TXNDC16: variants seen among roughly 807,000 people sequenced by gnomAD.
TXNDC16 encodes thioredoxin domain-containing protein 16.
In TXNDC16, 74 loss-of-function variants were observed where a neutral mutation model predicts 85.6. The ratio of observed to expected loss-of-function variants is 0.86; its 90% CI spans 0.72 to 1.05. The LOEUF (loss-of-function observed/expected upper bound fraction) is 1.05. Ranked by LOEUF, TXNDC16 falls within the 50% of genes least tolerant of loss-of-function variation. TXNDC16 has a pLI of 0.00. For missense variants in TXNDC16, 959 were observed against 947.0 expected (o/e 1.01, Z -0.17); for synonymous variants, 335 against 326.5 (o/e 1.03, Z -0.28).
At chr14:52,468,922 T>C (rs966133565) in intron 16 of TXNDC16, among the ~76,000 whole-genome samples, 1 of 151,942 alleles carries the variant, frequency 6.6e-6, no homozygotes, top group Non-Finnish European at 1.5e-5. Flanking sequence ...AACCTACAAT[T>C]TATAGAAGAC....
intron 19 of TXNDC16, among the ~76,000 whole-genome samples, chr14:52,440,184 T>C (rs968978845): frequency 2.0e-5 from 3 of 152,200 alleles, no homozygotes; most frequent in African/African-American, 7.2e-5. Context: ...GAAAACATAC[T>C]AGGAAATATT....
At chr14:52,484,937 T>C (rs1299955893) in intron 12 of TXNDC16, among the ~76,000 whole-genome samples, 1 of 152,208 alleles carries the variant, frequency 6.6e-6, no homozygotes, top group Non-Finnish European at 1.5e-5. Context: ...TAATACTTGA[T>C]AATGATAATA....
At chr14:52,502,657 A>G (rs551241009) in intron 9 of TXNDC16, among the ~76,000 whole-genome samples, 3 of 152,312 alleles carry the variant, frequency 2.0e-5, no homozygotes, top group African/African-American at 7.2e-5. Flanking sequence ...GCGAGGCAGA[A>G]GATGAATGAT....
At chr14:52,493,216 T>TATATATATACACAC in intron 9 of TXNDC16, among the ~76,000 whole-genome samples, 3 of 115,942 alleles carry the variant, frequency 2.6e-5, no homozygotes, top group African/African-American at 1.1e-4. Flanking sequence ...TATATATATA[T>TATATATATACACAC]ACACACACAC....
At chr14:52,518,259 C>T (rs1188041206) in intron 7 of TXNDC16, among the ~76,000 whole-genome samples, 2 of 152,206 alleles carry the variant, frequency 1.3e-5, no homozygotes, top group African/African-American at 4.8e-5. Context: ...AAATTTACTT[C>T]CCTAGTCCAT....
chr14:52,479,946 T>C (rs751623880), intron 14 of TXNDC16, among the ~76,000 whole-genome samples: 2 of 152,160 alleles, frequency 1.3e-5, no homozygotes, highest in Non-Finnish European at 2.9e-5. Context: ...CAAAACAGTG[T>C]GGTACTGGCA....
intron 18 of TXNDC16, among the ~76,000 whole-genome samples, chr14:52,450,561 A>G (rs1168685888): frequency 3.3e-5 from 5 of 151,982 alleles, no homozygotes; most frequent in African/African-American, 1.2e-4. Flanking sequence ...CAAAACCGCA[A>G]TGCAATTCCA....
intron 16 of TXNDC16, among the ~76,000 whole-genome samples, chr14:52,467,577 T>TA (rs1478768949): frequency 3.3e-5 from 5 of 152,022 alleles, no homozygotes; most frequent in Non-Finnish European, 5.9e-5. Context: ...ATGGCTATCA[T>TA]AAAAAATAAA....
intron 6 of TXNDC16, among the ~76,000 whole-genome samples, chr14:52,533,042 A>AT (rs1387423048): frequency 1.3e-5 from 2 of 151,854 alleles, no homozygotes; most frequent in African/African-American, 2.4e-5. Context: ...CTTGATATTT[A>AT]TTTTTTTTCT....
chr14:52,505,622 T>C (rs1169370672), intron 9 of TXNDC16, among the ~76,000 whole-genome samples: 1 of 152,140 alleles, frequency 6.6e-6, no homozygotes, highest in Non-Finnish European at 1.5e-5. Flanking sequence ...AGCAAAGATC[T>C]AAAATTGACA....
intron 14 of TXNDC16, among the ~76,000 whole-genome samples, chr14:52,478,572 T>C (rs1202796061): frequency 1.3e-5 from 2 of 152,032 alleles, no homozygotes; most frequent in African/African-American, 2.4e-5. Flanking sequence ...CTAGAGGAGA[T>C]GGATAAATTC....
intron 20 of TXNDC16, among the ~76,000 whole-genome samples, chr14:52,433,701 T>C (rs1018140722): frequency 6.6e-5 from 10 of 152,220 alleles, no homozygotes; most frequent in African/African-American, 2.2e-4. Context: ...ATCCTGGTAA[T>C]TGGTACATCA....
At position 52,511,405 on chromosome 14, in the gene TXNDC16, T is replaced by G. The variant is rs781284696; in HGVS notation, c.606-15A>C. On this transcript the variant is annotated splice_polypyrimidine_tract_variant and intron_variant, in intron 8 of 20. Transcript: ENST00000281741. ...CATCCTCAGAGCTACAAATTAAAAA[T>G]TAATTAACTTAATGAAGTTCAATAT... 1.3e-6 allele frequency: 2 copies of G among 1,537,014 alleles called. No individual in the cohort carries two copies. Among genetic ancestry groups the G allele is most frequent in the Admixed American group, 3.6e-5 (2 of 55,850 alleles).
intron 6 of TXNDC16, among the ~76,000 whole-genome samples, chr14:52,531,005 A>C (rs1453290904): frequency 6.6e-6 from 1 of 152,076 alleles, no homozygotes; most frequent in African/African-American, 2.4e-5. Context: ...CAAACAACCC[A>C]ATTAAAAAAT....
chr14:52,552,042 C>G (rs1311521485), intron 1 of TXNDC16, among the ~76,000 whole-genome samples: 1 of 152,210 alleles, frequency 6.6e-6, no homozygotes, highest in African/African-American at 2.4e-5. Flanking sequence ...AGGAAAGGGT[C>G]TTTCACTTAA....
rs769571821 is a variant in TXNDC16, at chr14:52,514,957, G to A, written c.528C>T (p.Val176=). ...RAIGIPEHRA[V]MEAAFVYGTT... ...TCCCATACACAAAAGCGGCTTCCAT[G>A]ACTGCTCTGTGCTCTGAAGAAGAGA... is the stretch of plus-strand genomic sequence containing the variant. The change falls in exon 8 of 21, where the codon GTC becomes GTT. Residue 176 remains valine (V), a synonymous_variant. Transcript: ENST00000281741. The A allele has an allele frequency of 5.0e-6, 8 of 1,612,196 alleles. No individual in the cohort carries two copies. The African/African-American group carries it at 6.7e-5, about 13-fold the overall frequency.
chr14:52,479,307 T>C (rs559454221), intron 14 of TXNDC16, among the ~76,000 whole-genome samples: 7 of 152,146 alleles, frequency 4.6e-5, no homozygotes, highest in Admixed American at 2.0e-4. Context: ...CTGAAAGTCC[T>C]AGCCAGAGCA....
intron 9 of TXNDC16, among the ~76,000 whole-genome samples, chr14:52,500,504 C>T (rs1018127275): frequency 1.3e-5 from 2 of 152,128 alleles, no homozygotes; most frequent in African/African-American, 2.4e-5. Flanking sequence ...GAGTTTCAGT[C>T]GTGCAATATG....
At chr14:52,542,290 T>C in intron 4 of TXNDC16, 81 bp downstream of exon 4, 2 of 847,114 alleles carry the variant, frequency 2.4e-6, no homozygotes, top group East Asian at 2.5e-5. Flanking sequence ...GAAATGGAAG[T>C]ATTTTAAGAT....
Sources: allele counts gnomAD v4.1 joint callset (sites outside exome capture counted in the v4.1 genomes callset), GRCh38; gene constraint gnomAD v4.1.1; transcripts MANE v1.5; gene names NCBI Gene and HGNC (gene_info 2026-07-23, HGNC 2026-07-21).